PCDHA8: variants seen among roughly 807,000 people sequenced by gnomAD.
PCDHA8 encodes protocadherin alpha-8.
Under a neutral mutation model 61.8 loss-of-function variants are expected in PCDHA8, and 53 were observed. The ratio of observed to expected loss-of-function variants is 0.86; its 90% confidence interval spans 0.69 to 1.08. The LOEUF (loss-of-function observed/expected upper bound fraction) is 1.08, where lower values mean the gene tolerates loss of function less well. PCDHA8 is among the 50% of genes least tolerant of loss of function. The pLI is 0.00. For missense variants in PCDHA8, 1,293 were observed against 1,245.0 expected (o/e 1.04, Z -0.58); for synonymous variants, 618 against 556.6 (o/e 1.11, Z -1.55).
At chr5:140,868,874 A>G (rs547590599) in intron 1 of PCDHA8, 25 of 646,974 alleles carry the variant, frequency 3.9e-5, no homozygotes, top group Middle Eastern at 8.7e-4. Flanking sequence ...AGTGCACAGT[A>G]CTCACAGTTT....
chr5:140,998,017 C>T (rs555584429), intron 3 of PCDHA8, among the ~76,000 whole-genome samples: 67 of 152,292 alleles, frequency 4.4e-4, no homozygotes, highest in African/African-American at 1.4e-3. Context: ...ATCCCCACCT[C>T]GAGCTAGTGC....
chr5:140,966,410 A>G lies in PCDHA8; in HGVS notation c.2395-12539A>G, dbSNP rs530944149. The G allele has an allele frequency of 1.9e-3, 807 of 419,248 alleles. 2 individuals carry two copies. Among genetic ancestry groups the G allele is most frequent in the South Asian group, 7.3e-3 (70 of 9,536 alleles). The allele number at this position is 419,248 out of a possible 1,614,324, so 26.0% of individuals were successfully genotyped here. The stretch of plus-strand genomic sequence containing the variant: ...GTCCGCCACTTCGGCGCGGAATCAG[A>G]GCAGGACTTGCTGAGCCCTCCTACC... On this transcript the variant is annotated intron_variant, in intron 1 of 3. Coordinates refer to ENST00000531613, the MANE Select transcript of PCDHA8 (RefSeq NM_018911.3).
In PCDHA8 at chr5:141,009,945, A is replaced by C. The variant is rs2098415489; in HGVS notation, c.*8A>C. 5.0e-6 allele frequency: 8 copies of C among 1,596,112 alleles called. No homozygotes were observed. The highest frequency in any genetic ancestry group is 6.8e-6 in the Non-Finnish European group (8 of 1,173,736). On this transcript the variant is annotated 3_prime_UTR_variant, in exon 4 of 4. Coordinates refer to ENST00000531613, the MANE Select transcript of PCDHA8 (RefSeq NM_018911.3). ...GACAACAGTGACCAGTGAGGTCCTCAAATGGAAACAAGCCACTTAGCCAGT... is the reference window on the plus strand; with the variant it reads ...GACAACAGTGACCAGTGAGGTCCTCCAATGGAAACAAGCCACTTAGCCAGT...
chr5:140,915,374 G>A (rs1310466402), intron 1 of PCDHA8, among the ~76,000 whole-genome samples: 3 of 152,016 alleles, frequency 2.0e-5, no homozygotes, highest in Non-Finnish European at 4.4e-5. Flanking sequence ...TAAGTGTCTC[G>A]GCATTGAAGA....
At chr5:140,864,861 G>C (rs2048633310) in intron 1 of PCDHA8, 1 of 152,100 alleles carries the variant, frequency 6.6e-6, no homozygotes, top group African/African-American at 2.4e-5. Flanking sequence ...ATGATGAAGG[G>C]TGATACCATT....
intron 2 of PCDHA8, among the ~76,000 whole-genome samples, chr5:140,981,563 G>A (rs2096938689): frequency 6.6e-6 from 1 of 152,110 alleles, no homozygotes; most frequent in African/African-American, 2.4e-5. Flanking sequence ...GACAGAGTGA[G>A]GCTTTGTCTC....
chr5:140,934,555 CT>C (rs1355336850), intron 1 of PCDHA8, among the ~76,000 whole-genome samples: 2 of 151,972 alleles, frequency 1.3e-5, no homozygotes, highest in African/African-American at 2.4e-5. Context: ...ATCATTTCTT[CT>C]TTTTTTTAAT....
chr5:140,968,029 G>A, intron 1 of PCDHA8: 1 of 1,614,170 alleles, frequency 6.2e-7, no homozygotes, highest in Non-Finnish European at 8.5e-7. Context: ...CCTATACACT[G>A]GTGGTGAGCG....
rs112848471 is a variant in PCDHA8, at chr5:140,995,109, C to G, written c.2542+12546C>G. ...TATCTGTGGAGATACATTCCAAGAC[C>G]CTCAGTGGATGCCTGAAACCTCATT... On this transcript the variant is annotated intron_variant, in intron 3 of 3. Transcript: ENST00000531613. Among the ~76,000 whole-genome samples, 792 of 152,268 alleles carry G rather than the reference C, an allele frequency of 5.2e-3. 8 individuals are homozygous for G. Among genetic ancestry groups the G allele is most frequent in the African/African-American group, 0.019 (770 of 41,540 alleles).
At chr5:140,856,023 G>A in intron 1 of PCDHA8, 2 of 1,556,224 alleles carry the variant, frequency 1.3e-6, no homozygotes, top group Non-Finnish European at 8.7e-7. Context: ...CTGATTCGTC[G>A]ATTTGTAAAA....
intron 1 of PCDHA8, chr5:140,876,551 A>C: frequency 6.2e-7 from 1 of 1,614,184 alleles, no homozygotes; most frequent in Non-Finnish European, 8.5e-7. Flanking sequence ...CTCCCTGTGC[A>C]AGAGGATGCT....
At chr5:140,928,475 G>A (rs369473809) in intron 1 of PCDHA8, 1 of 1,614,136 alleles carries the variant, frequency 6.2e-7, no homozygotes, top group African/African-American at 1.3e-5. Context: ...GTAGAAGGCC[G>A]GGATGGTGGC....
At chr5:140,998,548 T>A (rs904925148) in intron 3 of PCDHA8, among the ~76,000 whole-genome samples, 7 of 149,880 alleles carry the variant, frequency 4.7e-5, no homozygotes, top group African/African-American at 1.7e-4. Context: ...CCTAATTTAA[T>A]GTCTAATTTA....
Position 140,842,263 on chromosome 5 carries a change from C to CTTA in PCDHA8, c.944_946dup (p.Leu315dup), listed in dbSNP as rs1777840904. The CTTA allele has an allele frequency of 6.2e-7, 1 of 1,610,966 alleles. No homozygotes were observed. The highest frequency in any genetic ancestry group is 8.5e-7 in the Non-Finnish European group (1 of 1,177,444). ...GTAATTTGGATTTTGAACAAGAAAACTTATACAAAATCCTCATTGACGCCA... is the reference window on the plus strand; with the variant it reads ...GTAATTTGGATTTTGAACAAGAAAACTTATTATACAAAATCCTCATTGACGCCA... On this transcript the variant is annotated inframe_insertion, in exon 1 of 4. Transcript: ENST00000531613.
At chr5:140,897,258 G>A (rs1008292814) in intron 1 of PCDHA8, among the ~76,000 whole-genome samples, 1 of 151,682 alleles carries the variant, frequency 6.6e-6, no homozygotes, top group African/African-American at 2.4e-5. Flanking sequence ...ATGTATACAT[G>A]TGCCATGCTG....
intron 1 of PCDHA8, among the ~76,000 whole-genome samples, chr5:140,960,080 A>G: frequency 6.6e-6 from 1 of 152,360 alleles, no homozygotes; most frequent in South Asian, 2.1e-4. Context: ...GAAGTTTCTA[A>G]AAGAGAAAGA....
intron 1 of PCDHA8, chr5:140,968,839 T>C (rs1426943047): frequency 1.3e-5 from 21 of 1,614,052 alleles, no homozygotes; most frequent in Non-Finnish European, 1.7e-5. Flanking sequence ...TCCCTGACAC[T>C]CAGAGGCATG....
At chr5:140,848,284 A>G (rs1378049676) in intron 1 of PCDHA8, 1 of 612,322 alleles carries the variant, frequency 1.6e-6, no homozygotes, top group Non-Finnish European at 2.9e-6. Flanking sequence ...ATGTACTTAC[A>G]CTTTGGGCCA....
Position 140,841,748 on chromosome 5 carries a change from T to C in PCDHA8, c.427T>C (p.Ser143Pro). ...GGTAAAAGACCAAAAGCTGTTTGTT[T>C]CAGAATCCAGAATGCCAGACTCTCG... ...FRVKDQKLFVSESRMPDSRFP... is the reference protein window; with the variant it reads ...FRVKDQKLFVPESRMPDSRFP... Residue 143 changes from serine (S) to proline (P), a missense_variant, in exon 1 of 4, where the codon TCA becomes CCA. By Grantham distance (74) the Ser-to-Pro change is moderately conservative. Coordinates refer to ENST00000531613, the MANE Select transcript of PCDHA8 (RefSeq NM_018911.3). The C allele has an allele frequency of 3.7e-6, 6 of 1,613,846 alleles. No homozygotes were observed. Among genetic ancestry groups the C allele is most frequent in the Non-Finnish European group, 5.1e-6 (6 of 1,179,856 alleles).
Sources: allele counts gnomAD v4.1 joint callset (sites outside exome capture counted in the v4.1 genomes callset), GRCh38; gene constraint gnomAD v4.1.1; transcripts MANE v1.5; gene names NCBI Gene and HGNC (gene_info 2026-07-23, HGNC 2026-07-21).